The following FSHR variants were observed in gnomAD, a reference collection of about 807,000 sequenced individuals.
FSHR encodes the protein follicle stimulating hormone receptor.
Under a neutral mutation model 52.1 loss-of-function variants are expected in FSHR, and 46 were observed. The ratio of observed to expected loss-of-function variants is 0.88; its 90% CI spans 0.70 to 1.13. FSHR has a LOEUF of 1.13. Among genes scored for constraint, FSHR ranks in the 50% most tolerant of loss-of-function variants. The pLI, the probability that FSHR is intolerant of heterozygous loss-of-function variation, is 0.00. For missense variants in FSHR, 964 were observed against 834.6 expected (o/e 1.16, Z -1.91); for synonymous variants, 399 against 309.6 (o/e 1.29, Z -3.03).
intron 2 of FSHR, among the ~76,000 whole-genome samples, chr2:49,022,355 A>G (rs1667756400): frequency 6.6e-6 from 1 of 152,148 alleles, no homozygotes; most frequent in Admixed American, 6.5e-5. Context: ...CTCAACTTCA[A>G]AGACAGTACC....
intron 4 of FSHR, among the ~76,000 whole-genome samples, chr2:49,008,715 C>T (rs1180273334): frequency 1.4e-5 from 2 of 143,820 alleles, no homozygotes; most frequent in East Asian, 4.2e-4. Context: ...TAATGATTGC[C>T]ATTCTAACTG....
At chr2:49,002,639 A>G (rs1666940438) in intron 4 of FSHR, among the ~76,000 whole-genome samples, 1 of 152,110 alleles carries the variant, frequency 6.6e-6, no homozygotes, top group Non-Finnish European at 1.5e-5. Flanking sequence ...TCAGAAGAAC[A>G]GCATGGGGGT....
chr2:49,016,004 G>C (rs1421217307), intron 4 of FSHR, among the ~76,000 whole-genome samples: 1 of 152,104 alleles, frequency 6.6e-6, no homozygotes, highest in Admixed American at 6.5e-5. Context: ...TGGGGTAGCT[G>C]TCAGAGAGCA....
intron 2 of FSHR, among the ~76,000 whole-genome samples, chr2:49,055,425 A>G (rs1389733993): frequency 6.6e-6 from 1 of 150,692 alleles, no homozygotes. Flanking sequence ...TAGGAATTTC[A>G]GAAGGAGAAG....
intron 1 of FSHR, among the ~76,000 whole-genome samples, chr2:49,138,292 G>T (rs1205550731): frequency 6.6e-6 from 1 of 152,136 alleles, no homozygotes; most frequent in Non-Finnish European, 1.5e-5. Context: ...CAGCCACTTT[G>T]GAAAAATAGT....
chr2:49,098,493 A>T (rs1434690872), intron 1 of FSHR, among the ~76,000 whole-genome samples: 2 of 151,928 alleles, frequency 1.3e-5, no homozygotes, highest in African/African-American at 2.4e-5. Flanking sequence ...GAATGAAAAA[A>T]GACATTTAAA....
At chr2:49,051,382 A>T (rs1002071633) in intron 2 of FSHR, among the ~76,000 whole-genome samples, 8 of 152,122 alleles carry the variant, frequency 5.3e-5, no homozygotes, top group Non-Finnish European at 1.0e-4. Flanking sequence ...GGCCATTTTA[A>T]TGGGTATGTA....
chr2:48,994,188 A>G (rs1373320350), intron 4 of FSHR, among the ~76,000 whole-genome samples: 7 of 152,290 alleles, frequency 4.6e-5, no homozygotes, highest in East Asian at 1.9e-4. Flanking sequence ...TTCACTGCCT[A>G]TGTTTATTAC....
intron 1 of FSHR, among the ~76,000 whole-genome samples, chr2:49,076,993 C>A (rs972312929): frequency 6.6e-6 from 1 of 152,134 alleles, no homozygotes; most frequent in African/African-American, 2.4e-5. Context: ...TGTCTTCCAG[C>A]CACATGGTGC....
intron 1 of FSHR, among the ~76,000 whole-genome samples, chr2:49,110,693 T>C (rs1218127389): frequency 1.3e-5 from 2 of 152,118 alleles, no homozygotes; most frequent in Non-Finnish European, 2.9e-5. Flanking sequence ...TTTCACAATT[T>C]CCCACTCTTG....
intron 1 of FSHR, among the ~76,000 whole-genome samples, chr2:49,146,649 G>A (rs999068637): frequency 6.6e-6 from 1 of 152,106 alleles, no homozygotes; most frequent in South Asian, 2.1e-4. Context: ...GGAATCTGAC[G>A]CCTAGAGAAA....
intron 9 of FSHR, among the ~76,000 whole-genome samples, chr2:48,966,597 A>G (rs1021052678): frequency 5.4e-4 from 82 of 152,344 alleles, no homozygotes; most frequent in Admixed American, 5.4e-3. Flanking sequence ...GAAGAATTTC[A>G]TCATACAAGT....
rs1308884410 is a variant in FSHR at position 49,085,556 on chromosome 2, T to G, written c.153-17266A>C. On this transcript the variant is annotated intron_variant, in intron 1 of 9. Coordinates refer to ENST00000406846, the MANE Select transcript of FSHR (RefSeq NM_000145.4). ...CAATTTTGGAATAGGTGTGGTGTGG[T>G]GATTCCTCAGGGATCTAGAACTAGA... Among the ~76,000 whole-genome samples, 6 of 152,270 alleles carry G rather than the reference T, an allele frequency of 3.9e-5. No individual in the cohort carries two copies. In the East Asian group the frequency reaches 1.2e-3, roughly 29 times the overall value.
chr2:48,975,255 C>G (rs1674935044), intron 8 of FSHR, among the ~76,000 whole-genome samples: 1 of 152,064 alleles, frequency 6.6e-6, no homozygotes, highest in Admixed American at 6.5e-5. Context: ...ACTCCAGGTT[C>G]TCAGGCTTTT....
At chr2:48,998,527 G>C (rs1559118244) in intron 4 of FSHR, among the ~76,000 whole-genome samples, 2 of 152,092 alleles carry the variant, frequency 1.3e-5, no homozygotes, top group African/African-American at 4.8e-5. Flanking sequence ...GTAAAATTCA[G>C]CTGGTGTATT....
At chr2:49,024,453 G>C (rs115842105) in intron 2 of FSHR, among the ~76,000 whole-genome samples, 1 of 151,942 alleles carries the variant, frequency 6.6e-6, no homozygotes, top group African/African-American at 2.4e-5. Context: ...GCATGCCTGT[G>C]CTCCCAGCTA....
intron 1 of FSHR, among the ~76,000 whole-genome samples, chr2:49,116,199 A>G (rs920249455): frequency 2.0e-5 from 3 of 152,178 alleles, no homozygotes; most frequent in Non-Finnish European, 4.4e-5. Context: ...TTATTAAGCC[A>G]TATTGGGAAA....
chr2:49,035,426 T>G (rs1048610767), intron 2 of FSHR, among the ~76,000 whole-genome samples: 1 of 152,212 alleles, frequency 6.6e-6, no homozygotes, highest in African/African-American at 2.4e-5. Context: ...CCATGGAGTG[T>G]AATTCCTCAG....
intron 2 of FSHR, among the ~76,000 whole-genome samples, chr2:49,032,037 A>T (rs899212241): frequency 6.6e-6 from 1 of 152,158 alleles, no homozygotes; most frequent in African/African-American, 2.4e-5. Flanking sequence ...AACAAGTGAC[A>T]TCCTCAGGGC....
Sources: gnomAD v4.1 joint callset for allele counts (sites outside exome capture counted in the v4.1 genomes callset) on GRCh38, gnomAD v4.1.1 for gene constraint, MANE v1.5 for transcripts, NCBI Gene and HGNC (gene_info 2026-07-23, HGNC 2026-07-21) for gene names.